PATJ: variants seen among roughly 807,000 people sequenced by gnomAD.
PATJ encodes inaD-like protein.
A neutral mutation model predicts 224.9 loss-of-function variants in PATJ; 190 were observed. That is an observed-to-expected ratio of 0.84 (90% confidence interval 0.75 to 0.95). PATJ has a LOEUF of 0.95. Ranked by LOEUF, PATJ falls within the 40% of genes least tolerant of loss-of-function variation. The probability of loss-of-function intolerance (pLI) is 0.00; values close to 1 mark genes in which losing one functional copy is unlikely to be tolerated. For synonymous variants in PATJ, 769 were observed against 820.3 expected (o/e 0.94, Z 1.07); for missense variants, 2,121 against 2,270.3 (o/e 0.93, Z 1.34).
intron 31 of PATJ, among the ~76,000 whole-genome samples, chr1:62,077,686 C>G (rs1397573945): frequency 1.1e-5 from 1 of 89,148 alleles, no homozygotes; most frequent in Non-Finnish European, 2.3e-5. Flanking sequence ...AGACCCTGTC[C>G]AAAAAAAAAA....
At chr1:61,895,391 T>A (rs1379500275) in intron 22 of PATJ, among the ~76,000 whole-genome samples, 1 of 151,980 alleles carries the variant, frequency 6.6e-6, no homozygotes, top group Non-Finnish European at 1.5e-5. Flanking sequence ...GAGTGAAAAA[T>A]GGTTTTGTGG....
At chr1:61,943,082 A>G (rs1228717685) in intron 27 of PATJ, among the ~76,000 whole-genome samples, 1 of 152,198 alleles carries the variant, frequency 6.6e-6, no homozygotes, top group African/African-American at 2.4e-5. Flanking sequence ...CAGCAATGAA[A>G]AGGAGTTCAA....
intron 7 of PATJ, among the ~76,000 whole-genome samples, chr1:61,785,004 A>G (rs1302990618): frequency 6.6e-6 from 1 of 152,252 alleles, no homozygotes; most frequent in Non-Finnish European, 1.5e-5. Context: ...AACAAAGCAC[A>G]GAGCTTTGTA....
Position 61,899,602 on chromosome 1 carries a change from G to GT in PATJ, c.3151_3152insT (p.Glu1051ValfsTer11). 6.2e-7 allele frequency: 1 copy of GT among 1,610,638 alleles called. No homozygotes were observed. The highest frequency in any genetic ancestry group is 8.5e-7 in the Non-Finnish European group (1 of 1,178,648). On this transcript the variant is annotated frameshift_variant, in exon 23 of 44. Transcript: ENST00000642238. LOFTEE classifies it high-confidence loss of function. ...CTGTAGTGAGTTACCTGAGAGAGAA[G>GT]AAGGCGAAGGAGAAGAAACTCCAAA...
At position 62,163,584 on chromosome 1, in the gene PATJ, C is replaced by G. The variant is rs908317981; in HGVS notation, c.*2530C>G. 6.6e-6 allele frequency: 1 copy of G among 152,542 alleles called. No homozygotes were observed. Among genetic ancestry groups the G allele is most frequent in the African/African-American group, 2.4e-5 (1 of 41,412 alleles). The allele number at this position is 152,542 out of a possible 1,614,324, so 9.4% of individuals were successfully genotyped here. ...GTATATTGATGAAGGAATTATGATG[C>G]TTTATACTTCTTACTGCACTAAATT... On this transcript the variant is annotated 3_prime_UTR_variant, in exon 44 of 44. Coordinates refer to ENST00000642238, the MANE Select transcript of PATJ (RefSeq NM_001350145.3).
At chr1:61,855,621 T>C (rs1663530655) in intron 17 of PATJ, among the ~76,000 whole-genome samples, 1 of 152,156 alleles carries the variant, frequency 6.6e-6, no homozygotes, top group Non-Finnish European at 1.5e-5. Context: ...CGTCATGTTG[T>C]CCAGGCTGGT....
chr1:61,984,353 T>G (rs931001122), intron 27 of PATJ, among the ~76,000 whole-genome samples: 1 of 151,464 alleles, frequency 6.6e-6, no homozygotes, highest in Non-Finnish European at 1.5e-5. Context: ...AGAGACAGGG[T>G]TTCACTATAC....
chr1:61,884,113 T>C (rs1456709824), intron 21 of PATJ, 124 bp from the exon 22 acceptor site: 1 of 551,938 alleles, frequency 1.8e-6, no homozygotes, highest in African/African-American at 1.9e-5. Context: ...TTATTTACTT[T>C]AATATTTTCA....
chr1:61,805,397 C>G, intron 12 of PATJ, 51 bp from the exon 13 acceptor site: 1 of 1,140,276 alleles, frequency 8.8e-7, no homozygotes, highest in Non-Finnish European at 1.3e-6. Flanking sequence ...GTGTTTGGCT[C>G]ACAGTAGTTT....
intron 30 of PATJ, among the ~76,000 whole-genome samples, chr1:62,042,267 G>A (rs888110706): frequency 2.6e-5 from 4 of 152,154 alleles, no homozygotes; most frequent in South Asian, 2.1e-4. Flanking sequence ...TTATATTCTA[G>A]AGAGGGCTTT....
intron 27 of PATJ, among the ~76,000 whole-genome samples, chr1:61,985,502 T>A (rs967933339): frequency 2.6e-5 from 4 of 152,082 alleles, no homozygotes; most frequent in African/African-American, 9.7e-5. Flanking sequence ...TTGTTCAGTG[T>A]TAAATACATT....
chr1:61,810,574 G>T (rs1320487123), intron 14 of PATJ, among the ~76,000 whole-genome samples: 1 of 151,970 alleles, frequency 6.6e-6, no homozygotes, highest in African/African-American at 2.4e-5. Context: ...GCATGCACCT[G>T]TAGCCCCAGC....
chr1:62,011,197 C>A (rs1183708073), intron 28 of PATJ, among the ~76,000 whole-genome samples: 1 of 152,206 alleles, frequency 6.6e-6, no homozygotes, highest in African/African-American at 2.4e-5. Context: ...AAGAACTTTT[C>A]CTTTGCATTC....
intron 28 of PATJ, among the ~76,000 whole-genome samples, chr1:62,004,253 G>C (rs1558025673): frequency 6.6e-6 from 1 of 152,110 alleles, no homozygotes. Context: ...CAGAGAATCT[G>C]GTACCTAGAA....
At chr1:62,038,919 A>T in intron 30 of PATJ, 2 of 1,002,576 alleles carry the variant, frequency 2.0e-6, no homozygotes, top group Non-Finnish European at 3.2e-6. Context: ...GCACAGATTC[A>T]CTTAATCTGG....
In PATJ at chr1:62,061,245, G is replaced by A. The variant is rs183925698; in HGVS notation, c.4125+10187G>A. On this transcript the variant is annotated intron_variant, in intron 31 of 43. Coordinates refer to ENST00000642238, the MANE Select transcript of PATJ (RefSeq NM_001350145.3). ...CACCCAGGCTGGAGTACAGTAGTGC[G>A]ATCTTGGCTCACTACAATCTCTACC... Among the ~76,000 whole-genome samples the A allele has an allele frequency of 3.9e-4, 59 of 151,882 alleles. No individual in the cohort carries two copies. In the East Asian group the frequency reaches 0.011, roughly 29 times the overall value.
intron 20 of PATJ, among the ~76,000 whole-genome samples, chr1:61,869,148 C>T (rs1665885019): frequency 6.9e-6 from 1 of 144,492 alleles, no homozygotes; most frequent in Non-Finnish European, 1.5e-5. Context: ...GCTCTGTCGC[C>T]CAGGCTGGAG....
rs1003815218 is a variant in PATJ at position 62,018,850 on chromosome 1, C to T, written c.3959+903C>T. Among the ~76,000 whole-genome samples, 1 of 152,146 alleles carries T rather than the reference C, an allele frequency of 6.6e-6. No homozygotes were observed. The highest frequency in any genetic ancestry group is 2.4e-5 in the African/African-American group (1 of 41,424). ...TTAGTTACCAGCAGTAAGATCTGTC[C>T]ATTCCCAGGGACCACTGGGATTAGG... On this transcript the variant is annotated intron_variant, in intron 29 of 43. Coordinates refer to ENST00000642238, the MANE Select transcript of PATJ (RefSeq NM_001350145.3). This position sits in a 1 kb window ranked among gnomAD's most constrained non-coding sequence, Gnocchi z 4.2.
intron 26 of PATJ, among the ~76,000 whole-genome samples, chr1:61,919,311 T>C (rs1382897138): frequency 6.8e-6 from 1 of 146,410 alleles, no homozygotes; most frequent in East Asian, 1.9e-4. Context: ...ATTTTTTCTT[T>C]CTTTTTCTTT....
Sources: gnomAD v4.1 joint callset for allele counts (sites outside exome capture counted in the v4.1 genomes callset) on GRCh38, gnomAD v4.1.1 for gene constraint, Gnocchi (gnomAD v3.1) non-coding constraint, MANE v1.5 for transcripts, NCBI Gene and HGNC (gene_info 2026-07-23, HGNC 2026-07-21) for gene names.